ERCC4: variants seen among roughly 807,000 people sequenced by gnomAD.
The protein encoded by ERCC4 is DNA repair endonuclease XPF.
A neutral mutation model predicts 76.9 loss-of-function variants in ERCC4; 65 were observed. The ratio of observed to expected loss-of-function variants is 0.84; its 90% CI spans 0.69 to 1.04. The LOEUF (loss-of-function observed/expected upper bound fraction) is 1.04. ERCC4 is among the 50% of genes least tolerant of loss of function. The probability of loss-of-function intolerance (pLI) is 0.00; values close to 1 mark genes in which losing one functional copy is unlikely to be tolerated. For synonymous variants in ERCC4, 463 were observed against 410.1 expected (o/e 1.13, Z -1.56); for missense variants, 1,214 against 1,128.2 (o/e 1.08, Z -1.09).
rs551889526 is a variant in ERCC4 at position 13,937,347 on chromosome 16, T to TA, written c.1812-411dup. On this transcript the variant is annotated intron_variant, in intron 8 of 10. Coordinates refer to ENST00000311895, the MANE Select transcript of ERCC4 (RefSeq NM_005236.3). ...CGCTGTATTCTGTTAAGACATGAAT[T>TA]AAAAAAAACGTTCATAGGCTGGTTT... Among the ~76,000 whole-genome samples the TA allele has an allele frequency of 6.6e-5, 10 of 152,052 alleles. No homozygotes were observed. The South Asian group carries it at 1.0e-3, about 16-fold the overall frequency.
At chr16:13,936,949 A>C (rs2032310878) in intron 8 of ERCC4, among the ~76,000 whole-genome samples, 1 of 144,374 alleles carries the variant, frequency 6.9e-6, no homozygotes, top group African/African-American at 2.6e-5. Context: ...TCTTGCCCAG[A>C]TGCCCAGACT....
At chr16:13,934,446 T>G in intron 7 of ERCC4, 144 bp downstream of exon 7, 1 of 679,846 alleles carries the variant, frequency 1.5e-6, no homozygotes, top group Non-Finnish European at 2.6e-6. Context: ...CTATTTTATC[T>G]ATAAAATGTA....
At chr16:13,934,634 T>G (rs1258941569) in intron 7 of ERCC4, 1 of 286,182 alleles carries the variant, frequency 3.5e-6, no homozygotes, top group Non-Finnish European at 6.6e-6. Context: ...TTCACCAAGC[T>G]TTAAATCTGG....
At chr16:13,941,938 A>G (rs532078948) in intron 9 of ERCC4, among the ~76,000 whole-genome samples, 1 of 152,332 alleles carries the variant, frequency 6.6e-6, no homozygotes, top group East Asian at 1.9e-4. Flanking sequence ...AACATTGAAG[A>G]CTGGGTGCAG....
At chr16:13,940,674 C>G (rs2032396498) in intron 9 of ERCC4, among the ~76,000 whole-genome samples, 1 of 152,218 alleles carries the variant, frequency 6.6e-6, no homozygotes, top group Non-Finnish European at 1.5e-5. Flanking sequence ...AAAGCAGCAA[C>G]AGACATTTAC....
intron 2 of ERCC4, among the ~76,000 whole-genome samples, chr16:13,924,566 A>G (rs565176159): frequency 2.0e-5 from 3 of 152,202 alleles, no homozygotes; most frequent in Non-Finnish European, 4.4e-5. Context: ...ATGGGACAGT[A>G]TGGTGAACTC....
chr16:13,936,090 C>G (rs2032286363), intron 8 of ERCC4, among the ~76,000 whole-genome samples: 1 of 152,150 alleles, frequency 6.6e-6, no homozygotes. Flanking sequence ...ATAACTGTGA[C>G]TCGGCTAAGT....
chr16:13,926,309 AC>A (rs970669300), intron 2 of ERCC4, among the ~76,000 whole-genome samples: 3 of 152,120 alleles, frequency 2.0e-5, no homozygotes, highest in African/African-American at 7.2e-5. Flanking sequence ...CACCCCTCAT[AC>A]ATACTCCCTC....
intron 9 of ERCC4, among the ~76,000 whole-genome samples, chr16:13,941,246 C>G (rs552466634): frequency 9.8e-5 from 15 of 152,296 alleles, no homozygotes; most frequent in Admixed American, 6.5e-4. Flanking sequence ...TATCTGTTAT[C>G]TGGCATAATT....
At chr16:13,925,132 T>C (rs1567243101) in intron 2 of ERCC4, among the ~76,000 whole-genome samples, 1 of 152,238 alleles carries the variant, frequency 6.6e-6, no homozygotes, top group Non-Finnish European at 1.5e-5. Flanking sequence ...CATGGAATTA[T>C]CATAACAATT....
intron 1 of ERCC4, 132 bp from the exon 2 acceptor site, chr16:13,921,899 G>A: frequency 1.6e-6 from 1 of 643,644 alleles, no homozygotes; most frequent in Non-Finnish European, 2.7e-6. Flanking sequence ...CTATAAAGAA[G>A]TAACTTAGTG....
intron 8 of ERCC4, among the ~76,000 whole-genome samples, chr16:13,936,798 G>A (rs2032305225): frequency 1.3e-5 from 2 of 151,924 alleles, no homozygotes; most frequent in Admixed American, 6.6e-5. Context: ...GAAAAACCAA[G>A]GCTCAAAAAG....
chr16:13,932,147 T>C lies in ERCC4; in HGVS notation c.974-10T>C. ...TTGATGGCACTTTTTCTTTTAACTT[T>C]TCGTATTAGGTTGGCTGTTTCTTGA... On this transcript the variant is annotated splice_polypyrimidine_tract_variant and intron_variant, in intron 5 of 10. Coordinates refer to ENST00000311895, the MANE Select transcript of ERCC4 (RefSeq NM_005236.3). The C allele has an allele frequency of 6.2e-7, 1 of 1,612,096 alleles. No homozygotes were observed. Among genetic ancestry groups the C allele is most frequent in the East Asian group, 2.2e-5 (1 of 44,876 alleles).
intron 2 of ERCC4, 44 bp downstream of exon 2, chr16:13,922,255 T>C: frequency 7.5e-7 from 1 of 1,339,648 alleles, no homozygotes; most frequent in Non-Finnish European, 1.0e-6. Context: ...ATTTGTACTT[T>C]TTTTTTTTTA....
chr16:13,932,896 A>C, intron 6 of ERCC4: 1 of 214,630 alleles, frequency 4.7e-6, no homozygotes, highest in South Asian at 5.1e-5. Context: ...AATACCAAAA[A>C]TTAGCCAGGC....
At chr16:13,922,707 T>A (rs936293433) in intron 2 of ERCC4, 14 of 371,450 alleles carry the variant, frequency 3.8e-5, no homozygotes, top group Admixed American at 7.9e-5. Context: ...GAGAGGGTAT[T>A]TTCTACATTT....
intron 1 of ERCC4, among the ~76,000 whole-genome samples, chr16:13,920,612 G>T (rs2031954381): frequency 6.6e-6 from 1 of 151,878 alleles, no homozygotes; most frequent in African/African-American, 2.4e-5. Context: ...CACCGTGCGG[G>T]GACACTGATA....
At position 13,934,207 on chromosome 16, in the gene ERCC4, T is replaced by C; in HGVS notation, c.1118T>C (p.Leu373Pro). 1 of 1,610,332 alleles carries C rather than the reference T, an allele frequency of 6.2e-7. No homozygotes were observed. The highest frequency in any genetic ancestry group is 8.5e-7 in the Non-Finnish European group (1 of 1,177,068). The change falls in exon 7 of 11, where the codon CTG (leucine) becomes CCG (proline). Residue 373 changes from leucine to proline, a missense_variant. Coordinates refer to ENST00000311895, the MANE Select transcript of ERCC4 (RefSeq NM_005236.3). Reference protein sequence around the residue: ...IKEGEETKKELVLESNPKWEA... With the variant: ...IKEGEETKKEPVLESNPKWEA... The stretch of plus-strand genomic sequence containing the variant: ...TTCTCTACAGAAACAAAAAAGGAAC[T>C]GGTCCTAGAAAGCAACCCAAAGTGG...
chr16:13,936,591 A>G (rs1350490415), intron 8 of ERCC4, among the ~76,000 whole-genome samples: 1 of 152,212 alleles, frequency 6.6e-6, no homozygotes, highest in Non-Finnish European at 1.5e-5. Context: ...TGGGAGCAAA[A>G]TGTTAGAATC....
Sources: allele counts gnomAD v4.1 joint callset (sites outside exome capture counted in the v4.1 genomes callset), GRCh38; gene constraint gnomAD v4.1.1; transcripts MANE v1.5; gene names NCBI Gene and HGNC (gene_info 2026-07-23, HGNC 2026-07-21).